NEK1: variants seen among roughly 807,000 people sequenced by gnomAD.
NEK1 encodes NIMA related kinase 1.
Under a neutral mutation model 182.1 loss-of-function variants are expected in NEK1, and 137 were observed. That is an observed-to-expected ratio of 0.75 (90% CI 0.65 to 0.87). The LOEUF (loss-of-function observed/expected upper bound fraction) is 0.87, where lower values mean the gene tolerates loss of function less well. Among genes scored for constraint, NEK1 ranks in the 40% least tolerant of loss-of-function variants. NEK1 has a pLI of 0.00. For missense variants in NEK1, 1,391 were observed against 1,494.4 expected (o/e 0.93, Z 1.14); for synonymous variants, 513 against 492.2 (o/e 1.04, Z -0.56).
intron 5 of NEK1, among the ~76,000 whole-genome samples, chr4:169,593,428 G>A (rs554002668): frequency 6.6e-6 from 1 of 152,326 alleles, no homozygotes; most frequent in South Asian, 2.1e-4. Context: ...AAGTAAACCA[G>A]TAATTAAAGG....
rs376955728 is a variant in NEK1 at position 169,418,336 on chromosome 4, C to CA, written c.3222+6216dup. On this transcript the variant is annotated intron_variant, in intron 31 of 35. Transcript: ENST00000507142. ...ACTCTTTACAGGAAGATAGTAATAA[C>CA]AAAAAAATCAGAGACCTAGGAATAT... 3.5e-3 allele frequency among the ~76,000 whole-genome samples: 531 copies of CA among 152,044 alleles called. 5 individuals are homozygous for CA. The highest frequency in any genetic ancestry group is 0.012 in the African/African-American group (507 of 41,478).
rs531088313 is a variant in NEK1 at position 169,559,963 on chromosome 4, C to T, written c.1266+1517G>A. Among the ~76,000 whole-genome samples the T allele has an allele frequency of 2.0e-5, 3 of 152,072 alleles. No individual in the cohort carries two copies. The South Asian group carries it at 6.2e-4, about 32-fold the overall frequency. ...GGCAGAGGTTGCAGTGAGCTGAGAT[C>T]GTGCCATTGCACTCCAGCCTGGGTA... On this transcript the variant is annotated intron_variant, in intron 16 of 35. Coordinates refer to ENST00000507142, the MANE Select transcript of NEK1 (RefSeq NM_001199397.3).
At chr4:169,481,321 T>C (rs1747960925) in intron 23 of NEK1, among the ~76,000 whole-genome samples, 1 of 152,248 alleles carries the variant, frequency 6.6e-6, no homozygotes, top group Non-Finnish European at 1.5e-5. Context: ...GAATGGCATC[T>C]AGAATGATGA....
intron 32 of NEK1, 61 bp downstream of exon 32, chr4:169,406,535 C>A (rs1732651109): frequency 7.7e-7 from 1 of 1,297,916 alleles, no homozygotes; most frequent in Non-Finnish European, 1.0e-6. Context: ...GTTATCCCCT[C>A]TTTTTTACAT....
intron 31 of NEK1, among the ~76,000 whole-genome samples, chr4:169,422,141 T>C (rs1735586268): frequency 6.6e-6 from 1 of 152,150 alleles, no homozygotes; most frequent in Non-Finnish European, 1.5e-5. Context: ...TTTGGCAACA[T>C]ACTGGTAACT....
In NEK1 at chr4:169,588,705, C is replaced by G. The variant is rs1767925513; in HGVS notation, c.495G>C (p.Gly165=). 2 of 1,549,824 alleles carry G rather than the reference C, an allele frequency of 1.3e-6. No individual in the cohort carries two copies. The highest frequency in any genetic ancestry group is 1.7e-6 in the Non-Finnish European group (2 of 1,145,332). Residue 165 remains glycine, a synonymous_variant, in exon 8 of 36, where the codon GGG becomes GGC. Coordinates refer to ENST00000507142, the MANE Select transcript of NEK1 (RefSeq NM_001199397.3). ...STVELARTCI[G]TPYYLSPEIC... ...TTTCAGGTGACAAGTAGTATGGGGTCCCTATGCAAGTTCGAGCCAGCTCTA... is the reference window on the plus strand; with the variant it reads ...TTTCAGGTGACAAGTAGTATGGGGTGCCTATGCAAGTTCGAGCCAGCTCTA...
At chr4:169,469,309 G>T (rs905444200) in intron 26 of NEK1, among the ~76,000 whole-genome samples, 1 of 152,090 alleles carries the variant, frequency 6.6e-6, no homozygotes, top group African/African-American at 2.4e-5. Context: ...AGAGATTCTG[G>T]TACAGTGTGT....
intron 32 of NEK1, among the ~76,000 whole-genome samples, chr4:169,402,138 G>A (rs1216657604): frequency 1.3e-5 from 2 of 152,158 alleles, no homozygotes; most frequent in South Asian, 2.1e-4. Flanking sequence ...ACTTGCCAAA[G>A]AGAATCACAT....
At chr4:169,450,897 C>T (rs1037321675) in intron 27 of NEK1, among the ~76,000 whole-genome samples, 7 of 152,126 alleles carry the variant, frequency 4.6e-5, no homozygotes, top group South Asian at 4.1e-4. Flanking sequence ...ACCCATCTCA[C>T]GTGCAAAGAT....
rs1343139665 is a variant in NEK1, at chr4:169,393,438, C to G, written c.*1072G>C. 1 of 152,134 alleles carries G rather than the reference C, an allele frequency of 6.6e-6. No individual in the cohort carries two copies. Among genetic ancestry groups the G allele is most frequent in the East Asian group, 1.9e-4 (1 of 5,202 alleles). The allele number at this position is 152,134 out of a possible 1,614,324, so 9.4% of individuals were successfully genotyped here. On this transcript the variant is annotated 3_prime_UTR_variant, in exon 36 of 36. Transcript: ENST00000507142. ...TTTTTCAAATTACATATTATGCCAA[C>G]CAGCCTGCTTTGGACTCAGAGGTTC...
chr4:169,544,500 T>G (rs10001612), intron 18 of NEK1, among the ~76,000 whole-genome samples: 211 of 152,146 alleles, frequency 1.4e-3, no homozygotes, highest in African/African-American at 4.1e-3. Flanking sequence ...CTAGGGAGGA[T>G]TCCCTCTTTT....
At position 169,588,710 on chromosome 4, in the gene NEK1, T is replaced by C. The variant is rs947396390; in HGVS notation, c.490A>G (p.Ile164Val). The change falls in exon 8 of 36, where the codon ATA (isoleucine) becomes GTA (valine). Residue 164 changes from isoleucine (I) to valine (V), a missense_variant. By Grantham distance (29) the Ile-to-Val change is conservative. This residue lies in a region of NEK1 where 14 missense variants were observed against 34.5 expected (regional missense o/e 0.41). Transcript: ENST00000507142. ...NSTVELARTC[I>V]GTPYYLSPEI... ...GGTGACAAGTAGTATGGGGTCCCTATGCAAGTTCGAGCCAGCTCTACAGTA... is the reference window on the plus strand; with the variant it reads ...GGTGACAAGTAGTATGGGGTCCCTACGCAAGTTCGAGCCAGCTCTACAGTA... 12 of 1,549,844 alleles carry C rather than the reference T, an allele frequency of 7.7e-6. No homozygotes were observed. Among genetic ancestry groups the C allele is most frequent in the Middle Eastern group, 1.7e-4 (1 of 6,012 alleles).
chr4:169,603,819 C>T (rs1770891900), intron 2 of NEK1, among the ~76,000 whole-genome samples: 1 of 151,792 alleles, frequency 6.6e-6, no homozygotes. Flanking sequence ...GATTCCCCTG[C>T]CTCAGCCTCC....
intron 12 of NEK1, among the ~76,000 whole-genome samples, chr4:169,562,810 G>A (rs115341422): frequency 1.3e-5 from 2 of 152,196 alleles, no homozygotes; most frequent in Non-Finnish European, 2.9e-5. Context: ...TTACATGGAT[G>A]AAATGCATAA....
intron 26 of NEK1, among the ~76,000 whole-genome samples, chr4:169,475,464 G>C (rs371853480): frequency 2.0e-5 from 3 of 152,142 alleles, no homozygotes; most frequent in South Asian, 4.1e-4. Context: ...CTGAGTCCAA[G>C]TATTATAACT....
At chr4:169,607,748 C>T (rs1771619446) in intron 2 of NEK1, among the ~76,000 whole-genome samples, 1 of 152,046 alleles carries the variant, frequency 6.6e-6, no homozygotes, top group Admixed American at 6.6e-5. Context: ...CAGGTGTGAG[C>T]CACCGCGCCT....
At chr4:169,468,026 C>A (rs1745250846) in intron 26 of NEK1, among the ~76,000 whole-genome samples, 1 of 152,024 alleles carries the variant, frequency 6.6e-6, no homozygotes, top group South Asian at 2.1e-4. Context: ...CAGGTTAACA[C>A]TGAGCAAAAC....
chr4:169,410,432 T>C (rs1733473795), intron 31 of NEK1, among the ~76,000 whole-genome samples: 1 of 152,230 alleles, frequency 6.6e-6, no homozygotes, highest in African/African-American at 2.4e-5. Flanking sequence ...GTAATTCTAA[T>C]ACACTCTTTG....
intron 8 of NEK1, among the ~76,000 whole-genome samples, chr4:169,588,210 A>G (rs1347976171): frequency 6.6e-6 from 1 of 152,244 alleles, no homozygotes; most frequent in East Asian, 1.9e-4. Flanking sequence ...CAAGGATTTC[A>G]AAGAAGTTAC....
Sources: gnomAD v4.1 joint callset for allele counts (sites outside exome capture counted in the v4.1 genomes callset) on GRCh38, gnomAD v4.1.1 for gene constraint, gnomAD v4.1.1 regional missense constraint, MANE v1.5 for transcripts, NCBI Gene and HGNC (gene_info 2026-07-23, HGNC 2026-07-21) for gene names.